The following PCSK5 variants were observed in gnomAD, a reference collection of about 807,000 sequenced individuals.
The protein encoded by PCSK5 is prohormone convertase 5.
In PCSK5, 129 loss-of-function variants were observed where a neutral mutation model predicts 233.2. That is an observed-to-expected ratio of 0.55 (90% CI 0.48 to 0.64). PCSK5 has a LOEUF of 0.64. Among genes scored for constraint, PCSK5 ranks in the 30% least tolerant of loss-of-function variants. PCSK5 has a pLI of 0.00. For missense variants in PCSK5, 2,076 were observed against 2,430.1 expected (o/e 0.85, Z 3.06); for synonymous variants, 825 against 879.2 (o/e 0.94, Z 1.09).
At position 76,194,769 on chromosome 9, in the gene PCSK5, T is replaced by A. The variant is rs1335786392; in HGVS notation, c.2626+5023T>A. The A allele has an allele frequency of 2.8e-5, 13 of 466,996 alleles. No homozygotes were observed. In the East Asian group the frequency reaches 9.1e-4, roughly 33 times the overall value. 28.9% of individuals were successfully genotyped at this position (466,996 alleles called of 1,614,324 possible). ...CTCTGTTTAGGGGAGCCTAGACTGA[T>A]ATCAAGTTTCTTCATATCAAAGCTT... is the stretch of plus-strand genomic sequence containing the variant. On this transcript the variant is annotated intron_variant, in intron 20 of 37. Transcript: ENST00000674117.
At chr9:76,286,187 G>A (rs1828058944) in intron 24 of PCSK5, among the ~76,000 whole-genome samples, 1 of 152,156 alleles carries the variant, frequency 6.6e-6, no homozygotes, top group Non-Finnish European at 1.5e-5. Flanking sequence ...GATTGGGTTG[G>A]TAATTCTGCT....
At chr9:76,307,241 G>A (rs1273781659) in intron 28 of PCSK5, among the ~76,000 whole-genome samples, 1 of 152,154 alleles carries the variant, frequency 6.6e-6, no homozygotes, top group Non-Finnish European at 1.5e-5. Flanking sequence ...GGTGTGACTA[G>A]AGCGCCATCT....
intron 5 of PCSK5, among the ~76,000 whole-genome samples, chr9:76,063,323 T>TC (rs1241191045): frequency 6.0e-5 from 7 of 116,230 alleles, no homozygotes; most frequent in African/African-American, 3.0e-4. Flanking sequence ...TTTTTTCTTT[T>TC]TTTTTTTTTT....
intron 27 of PCSK5, among the ~76,000 whole-genome samples, chr9:76,299,168 G>C (rs749778548): frequency 3.3e-5 from 5 of 152,174 alleles, no homozygotes; most frequent in African/African-American, 9.7e-5. Flanking sequence ...CTCCTACCTA[G>C]TCTAAGGATG....
At chr9:76,309,954 A>C (rs1329171903) in intron 29 of PCSK5, among the ~76,000 whole-genome samples, 2 of 152,036 alleles carry the variant, frequency 1.3e-5, no homozygotes, top group African/African-American at 4.8e-5. Context: ...TTAAAGGGAG[A>C]GTTGGGTGGA....
intron 5 of PCSK5, among the ~76,000 whole-genome samples, chr9:76,032,633 C>A (rs747656761): frequency 6.6e-6 from 1 of 152,156 alleles, no homozygotes; most frequent in Non-Finnish European, 1.5e-5. Flanking sequence ...AAAAACCCAT[C>A]CTTCGATTCA....
chr9:76,166,074 C>T (rs148676757), intron 12 of PCSK5, among the ~76,000 whole-genome samples: 2 of 152,292 alleles, frequency 1.3e-5, no homozygotes, highest in East Asian at 3.9e-4. Context: ...AAACACACAA[C>T]AATGTGTACT....
At chr9:76,263,376 C>T (rs1033081467) in intron 24 of PCSK5, among the ~76,000 whole-genome samples, 1 of 152,118 alleles carries the variant, frequency 6.6e-6, no homozygotes, top group African/African-American at 2.4e-5. Context: ...TTGGAACCAA[C>T]GCAAATGTCC....
rs1830149976 is a variant in PCSK5, at chr9:76,351,519, A to AGAAG, written c.5067+594_5067+595insGGAA. Among the ~76,000 whole-genome samples the AGAAG allele has an allele frequency of 2.8e-5, 2 of 72,340 alleles. 1 individual carries two copies. Among genetic ancestry groups the AGAAG allele is most frequent in the African/African-American group, 7.7e-5 (2 of 26,094 alleles). 47.5% of individuals were successfully genotyped at this position (72,340 alleles called of 152,430 possible). ...AAGAAAGAAAGAAAGAAAGAAAGAA[A>AGAAG]GAAAGAAAGAAAGGAAGGAAAGAAA... On this transcript the variant is annotated intron_variant, in intron 36 of 37. Transcript: ENST00000674117.
intron 5 of PCSK5, among the ~76,000 whole-genome samples, chr9:76,052,307 G>A (rs1183872023): frequency 6.6e-6 from 1 of 152,120 alleles, no homozygotes; most frequent in Non-Finnish European, 1.5e-5. Context: ...TTCTCACGCT[G>A]CCAATAAAGA....
At chr9:76,134,640 T>C (rs1438567061) in intron 10 of PCSK5, among the ~76,000 whole-genome samples, 1 of 152,054 alleles carries the variant, frequency 6.6e-6, no homozygotes, top group Non-Finnish European at 1.5e-5. Flanking sequence ...GGCCATGCAT[T>C]CTACAAATTT....
rs796661389 is a variant in PCSK5, at chr9:76,351,532, GGAAGGAAA to G, written c.5067+608_5067+615del. 1.6e-3 allele frequency among the ~76,000 whole-genome samples: 149 copies of G among 94,456 alleles called. 17 individuals carry two copies. Among genetic ancestry groups the G allele is most frequent in the African/African-American group, 5.2e-3 (132 of 25,350 alleles). 62.0% of individuals were successfully genotyped at this position (94,456 alleles called of 152,430 possible). A position where few individuals can be genotyped will look rare whatever the true frequency, so the allele number is the denominator to read the frequency against. ...AGAAAGAAAGAAAGAAAGAAAGAAA[GGAAGGAAA>G]GAAAGAGAAAGAAGAGAGAGAGAGA... On this transcript the variant is annotated intron_variant, in intron 36 of 37. Transcript: ENST00000674117.
chr9:76,161,642 C>CT (rs1286602170), intron 12 of PCSK5, among the ~76,000 whole-genome samples: 5 of 152,176 alleles, frequency 3.3e-5, no homozygotes, highest in African/African-American at 1.2e-4. Context: ...TGGGCTCTTC[C>CT]TGCATATTCC....
At chr9:76,214,177 T>A (rs566747291) in intron 20 of PCSK5, among the ~76,000 whole-genome samples, 1 of 152,128 alleles carries the variant, frequency 6.6e-6, no homozygotes, top group Non-Finnish European at 1.5e-5. Flanking sequence ...GGGTAGAAAG[T>A]GAGCCTTCTT....
At chr9:75,962,889 CTG>C (rs768705019) in intron 2 of PCSK5, among the ~76,000 whole-genome samples, 1 of 152,156 alleles carries the variant, frequency 6.6e-6, no homozygotes, top group Non-Finnish European at 1.5e-5. Context: ...TCATAAGACA[CTG>C]TGTGTGTGTT....
At chr9:75,941,531 T>C (rs10869669) in intron 2 of PCSK5, among the ~76,000 whole-genome samples, 86,691 of 151,772 alleles carry the variant, frequency 0.57, 25,008 homozygotes, top group Middle Eastern at 0.67. Context: ...AGGCTGCAGA[T>C]GTGCTGATCA....
At chr9:76,257,813 G>A (rs1401197606) in intron 24 of PCSK5, among the ~76,000 whole-genome samples, 1 of 152,170 alleles carries the variant, frequency 6.6e-6, no homozygotes, top group Admixed American at 6.5e-5. Context: ...TGTTCTCATG[G>A]ATGATGTGAC....
At chr9:76,101,190 A>G (rs1260829151) in intron 8 of PCSK5, among the ~76,000 whole-genome samples, 1 of 152,190 alleles carries the variant, frequency 6.6e-6, no homozygotes, top group Non-Finnish European at 1.5e-5. Flanking sequence ...GTTCCTTTCC[A>G]GAGCCTGAGC....
intron 2 of PCSK5, among the ~76,000 whole-genome samples, chr9:75,974,260 G>T (rs574291396): frequency 6.6e-6 from 1 of 152,158 alleles, no homozygotes; most frequent in African/African-American, 2.4e-5. Flanking sequence ...GCGTAGGACC[G>T]ACGGGAGCTC....
Sources: gnomAD v4.1 joint callset for allele counts (sites outside exome capture counted in the v4.1 genomes callset) on GRCh38, gnomAD v4.1.1 for gene constraint, MANE v1.5 for transcripts, NCBI Gene and HGNC (gene_info 2026-07-23, HGNC 2026-07-21) for gene names.